The following SNRK variants were observed in gnomAD, a reference collection of about 807,000 sequenced individuals.
SNRK encodes the protein SNF-related serine/threonine-protein kinase.
In SNRK, 3 loss-of-function variants were observed where a neutral mutation model predicts 48.2. The ratio of observed to expected loss-of-function variants is 0.06; its 90% CI spans 0.03 to 0.16. The LOEUF is 0.16. Ranked by LOEUF, SNRK falls within the 10% of genes least tolerant of loss-of-function variation. The pLI, the probability that SNRK is intolerant of heterozygous loss-of-function variation, is 1.00. For synonymous variants in SNRK, 376 were observed against 366.1 expected (o/e 1.03, Z -0.31); for missense variants, 627 against 976.0 (o/e 0.64, Z 4.76).
At position 43,286,580 on chromosome 3, in the gene SNRK, G is replaced by C. The variant is rs1385794050; in HGVS notation, c.-264G>C. On this transcript the variant is annotated 5_prime_UTR_variant, in exon 1 of 7. Coordinates refer to ENST00000296088, the MANE Select transcript of SNRK (RefSeq NM_017719.5). ...CCTCCCCGCGGCCGGCAGCCCGCTC[G>C]GTATTATGATTAGCGCTGGGTGCGG... 2 of 150,586 alleles carry C rather than the reference G, an allele frequency of 1.3e-5. No individual in the cohort carries two copies. Among genetic ancestry groups the C allele is most frequent in the South Asian group, 2.1e-4 (1 of 4,826 alleles). 9.3% of individuals were successfully genotyped at this position (150,586 alleles called of 1,614,324 possible). A position where few individuals can be genotyped will look rare whatever the true frequency, so the allele number is the denominator to read the frequency against.
Position 43,347,862 on chromosome 3 carries a change from G to T in SNRK, c.1603G>T (p.Gly535Cys), listed in dbSNP as rs2091289427. 6.2e-7 allele frequency: 1 copy of T among 1,614,186 alleles called. No homozygotes were observed. The highest frequency in any genetic ancestry group is 8.5e-7 in the Non-Finnish European group (1 of 1,180,030). ...CCACCGGAGGAAAAGTCAGGGCCGG[G>T]GCTCCAGCTGCAGTAGTTCGGAGAC... Reference protein sequence around the residue: ...RYHRRKSQGRGSSCSSSETSD... With the variant: ...RYHRRKSQGRCSSCSSSETSD... Residue 535 changes from glycine to cysteine, a missense_variant, in exon 7 of 7, where the codon GGC becomes TGC. Gly to Cys is a radical substitution (Grantham distance 159, BLOSUM62 -3). This residue lies in a region of SNRK where 98 missense variants were observed against 175.2 expected (regional missense o/e 0.56). Coordinates refer to ENST00000296088, the MANE Select transcript of SNRK (RefSeq NM_017719.5). This position sits in a 1 kb window ranked among gnomAD's most constrained non-coding sequence, Gnocchi z 5.4.
intron 5 of SNRK, among the ~76,000 whole-genome samples, chr3:43,342,571 T>G (rs1269644928): frequency 6.6e-6 from 1 of 152,230 alleles, no homozygotes; most frequent in African/African-American, 2.4e-5. Flanking sequence ...GTGAGTATTT[T>G]CAGTAACTAC....
At chr3:43,323,968 G>A (rs2091074657) in intron 3 of SNRK, among the ~76,000 whole-genome samples, 1 of 152,124 alleles carries the variant, frequency 6.6e-6, no homozygotes, top group Admixed American at 6.5e-5. Flanking sequence ...GAAATTTTGG[G>A]GTAACACAGC....
chr3:43,330,009 A>G (rs1238005639), intron 3 of SNRK, among the ~76,000 whole-genome samples: 1 of 152,206 alleles, frequency 6.6e-6, no homozygotes, highest in African/African-American at 2.4e-5. Flanking sequence ...ATGTACAGTT[A>G]TAGTATGAGA....
At chr3:43,344,844 G>T (rs549319487) in intron 6 of SNRK, among the ~76,000 whole-genome samples, 1 of 151,980 alleles carries the variant, frequency 6.6e-6, no homozygotes. Flanking sequence ...ATCACTACTC[G>T]CCAGGTGCAC....
intron 3 of SNRK, among the ~76,000 whole-genome samples, chr3:43,318,709 G>A (rs550726816): frequency 1.1e-4 from 16 of 152,226 alleles, no homozygotes; most frequent in Non-Finnish European, 2.2e-4. Flanking sequence ...ACTGTTAAAA[G>A]TTGTTTTAGC....
At chr3:43,309,461 T>C (rs2090962406) in intron 3 of SNRK, among the ~76,000 whole-genome samples, 1 of 152,158 alleles carries the variant, frequency 6.6e-6, no homozygotes, top group Non-Finnish European at 1.5e-5. Flanking sequence ...CAAACTTCAT[T>C]CTTGTCTTAT....
At chr3:43,313,026 G>A (rs904424901) in intron 3 of SNRK, among the ~76,000 whole-genome samples, 1 of 152,140 alleles carries the variant, frequency 6.6e-6, no homozygotes, top group African/African-American at 2.4e-5. Flanking sequence ...CTCTGCAGGG[G>A]TTTTATAGAC....
chr3:43,338,259 T>C (rs1337589118), intron 4 of SNRK, among the ~76,000 whole-genome samples: 1 of 152,248 alleles, frequency 6.6e-6, no homozygotes, highest in African/African-American at 2.4e-5. Context: ...TTAGAATTTG[T>C]TTGGATGAGC....
intron 3 of SNRK, among the ~76,000 whole-genome samples, chr3:43,329,275 A>G (rs2091127264): frequency 6.6e-6 from 1 of 152,166 alleles, no homozygotes; most frequent in Non-Finnish European, 1.5e-5. Context: ...CGTCTCAACT[A>G]AAAATAGAAA....
intron 4 of SNRK, among the ~76,000 whole-genome samples, chr3:43,333,882 T>C (rs965215727): frequency 6.6e-6 from 1 of 152,064 alleles, no homozygotes; most frequent in Non-Finnish European, 1.5e-5. Context: ...GCGCAGTGGC[T>C]CACACCTGTA....
intron 3 of SNRK, among the ~76,000 whole-genome samples, chr3:43,331,456 C>T (rs1010404036): frequency 6.6e-6 from 1 of 152,084 alleles, no homozygotes; most frequent in Admixed American, 6.6e-5. Context: ...TGCAGAAATG[C>T]CTTATGCAAA....
intron 1 of SNRK, among the ~76,000 whole-genome samples, chr3:43,289,982 T>TA (rs1338100629): frequency 5.9e-5 from 9 of 152,212 alleles, no homozygotes; most frequent in East Asian, 5.8e-4. Context: ...TCTAAACACA[T>TA]ACCCTCTTGA....
chr3:43,299,690 T>C (rs928720019), intron 1 of SNRK, 64 bp from the exon 2 acceptor site: 1 of 152,686 alleles, frequency 6.5e-6, no homozygotes, highest in Non-Finnish European at 1.5e-5. Flanking sequence ...GTATATACTT[T>C]GACTTTAAGC....
At chr3:43,301,115 T>C (rs2090894760) in intron 2 of SNRK, among the ~76,000 whole-genome samples, 1 of 152,248 alleles carries the variant, frequency 6.6e-6, no homozygotes, top group African/African-American at 2.4e-5. Context: ...CAGTAAATGG[T>C]AGTGCTATTT....
chr3:43,331,148 A>G (rs6803929), intron 3 of SNRK, among the ~76,000 whole-genome samples: 11,968 of 152,140 alleles, frequency 0.079, 583 homozygotes, highest in African/African-American at 0.12. Flanking sequence ...ATTCTCTTTT[A>G]AGCCTTTTGT....
chr3:43,331,309 C>G (rs2091144453), intron 3 of SNRK, among the ~76,000 whole-genome samples: 1 of 152,060 alleles, frequency 6.6e-6, no homozygotes, highest in Admixed American at 6.6e-5. Context: ...AACAAAAGAT[C>G]ATTTTCCCAT....
intron 3 of SNRK, among the ~76,000 whole-genome samples, chr3:43,320,134 T>C (rs1431027317): frequency 6.6e-6 from 1 of 152,202 alleles, no homozygotes; most frequent in Non-Finnish European, 1.5e-5. Context: ...TTTTATATAC[T>C]AGATCTCCCA....
chr3:43,296,664 A>G (rs1163137184), intron 1 of SNRK, among the ~76,000 whole-genome samples: 1 of 151,858 alleles, frequency 6.6e-6, no homozygotes, highest in Non-Finnish European at 1.5e-5. Context: ...TTTTGTCCCT[A>G]CCTCTCTCTA....
Sources: allele counts gnomAD v4.1 joint callset (sites outside exome capture counted in the v4.1 genomes callset), GRCh38; gene constraint gnomAD v4.1.1; regional missense constraint gnomAD v4.1.1; non-coding constraint Gnocchi (gnomAD v3.1); transcripts MANE v1.5; gene names NCBI Gene and HGNC (gene_info 2026-07-23, HGNC 2026-07-21).